The following NUBPL variants were observed in gnomAD, a reference collection of about 807,000 sequenced individuals.
NUBPL encodes the protein iron-sulfur cluster transfer protein NUBPL.
NUBPL carries 31 observed loss-of-function variants against 45.7 expected under a neutral mutation model. The ratio of observed to expected loss-of-function variants is 0.68; its 90% CI spans 0.51 to 0.92. NUBPL has a LOEUF of 0.92. Ranked by LOEUF, NUBPL falls within the 40% of genes least tolerant of loss-of-function variation. The pLI, the probability that NUBPL is intolerant of heterozygous loss-of-function variation, is 0.00. For missense variants in NUBPL, 401 were observed against 398.7 expected (o/e 1.01, Z -0.05); for synonymous variants, 144 against 140.9 (o/e 1.02, Z -0.15).
intron 4 of NUBPL, among the ~76,000 whole-genome samples, chr14:31,635,087 A>C (rs1446815208): frequency 1.4e-5 from 2 of 147,216 alleles, no homozygotes; most frequent in East Asian, 4.0e-4. Flanking sequence ...GAAGCTCTTT[A>C]GTTTAATTAG....
intron 4 of NUBPL, among the ~76,000 whole-genome samples, chr14:31,613,306 A>G (rs537292268): frequency 3.8e-4 from 58 of 152,280 alleles, no homozygotes; most frequent in African/African-American, 1.4e-3. Context: ...GAAGGGTAGT[A>G]GGGGAGTTGA....
chr14:31,636,977 C>G (rs1054498737), intron 4 of NUBPL, among the ~76,000 whole-genome samples: 30 of 152,092 alleles, frequency 2.0e-4, no homozygotes, highest in African/African-American at 7.2e-4. Flanking sequence ...TGATTCTTCT[C>G]TCTTTTTTTC....
intron 6 of NUBPL, among the ~76,000 whole-genome samples, chr14:31,762,435 C>T (rs563910060): frequency 6.6e-6 from 1 of 152,270 alleles, no homozygotes; most frequent in Non-Finnish European, 1.5e-5. Context: ...CATCACTAGA[C>T]AAATCTTCCT....
intron 4 of NUBPL, among the ~76,000 whole-genome samples, chr14:31,662,885 A>G (rs1424922621): frequency 6.6e-6 from 1 of 152,234 alleles, no homozygotes; most frequent in African/African-American, 2.4e-5. Flanking sequence ...CTATGTCTCC[A>G]CATCCTCTTC....
intron 8 of NUBPL, among the ~76,000 whole-genome samples, chr14:31,833,214 A>G (rs2040220875): frequency 6.6e-6 from 1 of 151,998 alleles, no homozygotes; most frequent in African/African-American, 2.4e-5. Context: ...TTAAAAGAAT[A>G]AAAAATTAGC....
intron 10 of NUBPL, among the ~76,000 whole-genome samples, chr14:31,850,876 G>A (rs2040528146): frequency 1.3e-5 from 2 of 151,896 alleles, no homozygotes; most frequent in African/African-American, 4.8e-5. Context: ...TCCCATCTTG[G>A]CCTCCCAGCA....
intron 6 of NUBPL, among the ~76,000 whole-genome samples, chr14:31,747,623 A>G (rs1369156566): frequency 6.6e-6 from 1 of 152,130 alleles, no homozygotes; most frequent in Non-Finnish European, 1.5e-5. Context: ...GTAGTCTTTA[A>G]TGATCCTTTG....
At chr14:31,622,604 A>T (rs2035094250) in intron 4 of NUBPL, among the ~76,000 whole-genome samples, 1 of 152,224 alleles carries the variant, frequency 6.6e-6, no homozygotes, top group Non-Finnish European at 1.5e-5. Flanking sequence ...CTCTAGCTCC[A>T]GCTGTGGCTA....
rs144932681 is a variant in NUBPL, at chr14:31,744,912, G to A, written c.514-42868G>A. Among the ~76,000 whole-genome samples the A allele has an allele frequency of 2.0e-5, 3 of 151,878 alleles. 1 individual carries two copies. The highest frequency in any genetic ancestry group is 7.2e-5 in the African/African-American group (3 of 41,424). ...TGGGATTACAGGTGTAAGCCACCAC[G>A]CCTAGCCAAGATCTTGTAGAATCTT... is the stretch of plus-strand genomic sequence containing the variant. On this transcript the variant is annotated intron_variant, in intron 6 of 10. Coordinates refer to ENST00000281081, the MANE Select transcript of NUBPL (RefSeq NM_025152.3).
intron 4 of NUBPL, among the ~76,000 whole-genome samples, chr14:31,638,844 A>G (rs990460703): frequency 5.9e-5 from 9 of 152,068 alleles, no homozygotes; most frequent in Non-Finnish European, 1.0e-4. Context: ...TTCATCTTCC[A>G]TCACTGATAC....
chr14:31,636,679 T>C (rs1288703398), intron 4 of NUBPL, among the ~76,000 whole-genome samples: 1 of 152,226 alleles, frequency 6.6e-6, no homozygotes, highest in Non-Finnish European at 1.5e-5. Context: ...CAGTTCCTTC[T>C]TGTACCTCTG....
chr14:31,766,085 T>G (rs572284788), intron 6 of NUBPL, among the ~76,000 whole-genome samples: 1 of 152,224 alleles, frequency 6.6e-6, no homozygotes, highest in Non-Finnish European at 1.5e-5. Flanking sequence ...GTAGCAAATT[T>G]ATATCTCAAA....
In NUBPL at chr14:31,695,345, C is replaced by CTT. The variant is rs34395195; in HGVS notation, c.513+21786_513+21787dup. On this transcript the variant is annotated intron_variant, in intron 6 of 10. Coordinates refer to ENST00000281081, the MANE Select transcript of NUBPL (RefSeq NM_025152.3). The stretch of plus-strand genomic sequence containing the variant: ...GCAGTTTTTGAGTATTGTAGTGTTC[C>CTT]TTTTTTTTTTTTTTTTAAATGTTGC... 4.0e-3 allele frequency among the ~76,000 whole-genome samples: 567 copies of CTT among 140,170 alleles called. 4 individuals are homozygous for CTT. Among genetic ancestry groups the CTT allele is most frequent in the Middle Eastern group, 0.011 (3 of 276 alleles). The allele number at this position is 140,170 out of a possible 152,430, so 92.0% of individuals were successfully genotyped here.
chr14:31,844,107 C>G (rs1018715724), intron 8 of NUBPL: 2 of 152,122 alleles, frequency 1.3e-5, no homozygotes, highest in African/African-American at 4.8e-5. Context: ...TTTATACAGT[C>G]CATAGAGAAT....
At chr14:31,805,744 G>A (rs1394342294) in intron 7 of NUBPL, among the ~76,000 whole-genome samples, 2 of 152,010 alleles carry the variant, frequency 1.3e-5, no homozygotes, top group Non-Finnish European at 2.9e-5. Flanking sequence ...ACACACTGGG[G>A]CCTCTCAGAG....
intron 6 of NUBPL, among the ~76,000 whole-genome samples, chr14:31,783,600 C>T (rs924496545): frequency 9.9e-5 from 15 of 151,328 alleles, no homozygotes; most frequent in African/African-American, 3.4e-4. Flanking sequence ...TTGCTGCAAC[C>T]TCTGCCTGTT....
At chr14:31,584,955 C>T (rs2033957672) in intron 3 of NUBPL, among the ~76,000 whole-genome samples, 1 of 152,188 alleles carries the variant, frequency 6.6e-6, no homozygotes, top group Non-Finnish European at 1.5e-5. Context: ...CCTCCACCCT[C>T]ATGGCCTGAT....
chr14:31,603,571 A>C (rs1595354753), intron 4 of NUBPL, among the ~76,000 whole-genome samples: 1 of 152,144 alleles, frequency 6.6e-6, no homozygotes, highest in South Asian at 2.1e-4. Context: ...TTAATTCAGC[A>C]TTGCTTACCA....
chr14:31,751,751 A>T (rs2038535117), intron 6 of NUBPL, among the ~76,000 whole-genome samples: 2 of 151,880 alleles, frequency 1.3e-5, no homozygotes, highest in African/African-American at 4.8e-5. Flanking sequence ...CCCAGCGGGG[A>T]CTCTGTGTGG....
Sources: gnomAD v4.1 joint callset for allele counts (sites outside exome capture counted in the v4.1 genomes callset) on GRCh38, gnomAD v4.1.1 for gene constraint, MANE v1.5 for transcripts, NCBI Gene and HGNC (gene_info 2026-07-23, HGNC 2026-07-21) for gene names.